The following ADGRB1 variants were observed in gnomAD, a reference collection of about 807,000 sequenced individuals.
ADGRB1 encodes brain-specific angiogenesis inhibitor 1.
A neutral mutation model predicts 175.7 loss-of-function variants in ADGRB1; 36 were observed. That is an observed-to-expected ratio of 0.20 (90% CI 0.16 to 0.27). The LOEUF (loss-of-function observed/expected upper bound fraction) is 0.27, where lower values mean the gene tolerates loss of function less well. ADGRB1 is among the 10% of genes least tolerant of loss of function. The pLI is 1.00. For synonymous variants in ADGRB1, 1,054 were observed against 979.4 expected (o/e 1.08, Z -1.42); for missense variants, 1,731 against 2,255.3 (o/e 0.77, Z 4.71).
intron 1 of ADGRB1, among the ~76,000 whole-genome samples, chr8:142,462,347 C>T (rs1706311397): frequency 6.6e-6 from 1 of 152,212 alleles, no homozygotes; most frequent in Admixed American, 6.5e-5. Context: ...TTCCCCCACC[C>T]AGCTCTTAAT....
chr8:142,522,394 T>C (rs1261243818), intron 21 of ADGRB1, among the ~76,000 whole-genome samples: 1 of 152,210 alleles, frequency 6.6e-6, no homozygotes, highest in Non-Finnish European at 1.5e-5. Context: ...AGATGATTCC[T>C]GATTTCTCTG....
intron 19 of ADGRB1, among the ~76,000 whole-genome samples, chr8:142,518,944 C>T (rs747019072): frequency 7.9e-5 from 12 of 152,234 alleles, no homozygotes; most frequent in Non-Finnish European, 1.8e-4. Flanking sequence ...AGCCGATAAT[C>T]GGAACTGACT....
intron 17 of ADGRB1, among the ~76,000 whole-genome samples, chr8:142,508,154 C>T (rs1194544678): frequency 2.0e-5 from 3 of 152,192 alleles, no homozygotes; most frequent in African/African-American, 7.2e-5. Context: ...TAACCTGAGA[C>T]CCATCCCAAG....
At chr8:142,456,612 G>C (rs13276689) in intron 1 of ADGRB1, among the ~76,000 whole-genome samples, 78,530 of 152,190 alleles carry the variant, frequency 0.52, 22,581 homozygotes, top group African/African-American at 0.78. Context: ...CACGGCCACA[G>C]ATGCATCCTC....
intron 9 of ADGRB1, 114 bp from the exon 10 acceptor site, chr8:142,481,140 C>T (rs1390809392): frequency 2.1e-6 from 2 of 935,732 alleles, no homozygotes; most frequent in East Asian, 2.5e-5. Context: ...ATGGGCGAGT[C>T]CCTGTTTCTG....
In ADGRB1 at chr8:142,477,558, G is replaced by A; in HGVS notation, c.1387+9G>A. ...CATTGCCCTGTGCCCTGGTAGGTGA[G>A]AGGGAGGGCGTAGGGGCAGGGAGGA... On this transcript the variant is annotated intron_variant, in intron 6 of 30. Transcript: ENST00000517894. 1 of 1,609,688 alleles carries A rather than the reference G, an allele frequency of 6.2e-7. No individual in the cohort carries two copies. The highest frequency in any genetic ancestry group is 8.5e-7 in the Non-Finnish European group (1 of 1,177,298).
intron 17 of ADGRB1, among the ~76,000 whole-genome samples, chr8:142,502,424 T>G (rs1842646434): frequency 1.5e-5 from 2 of 136,258 alleles, no homozygotes; most frequent in African/African-American, 2.8e-5. Flanking sequence ...GTGGTGATGG[T>G]GGTGGTGGTG....
intron 14 of ADGRB1, 24 bp from the exon 15 acceptor site, chr8:142,489,011 G>A (rs1281967839): frequency 1.2e-6 from 2 of 1,608,424 alleles, no homozygotes; most frequent in Non-Finnish European, 1.7e-6. Context: ...GGCGGGCCGG[G>A]GTTGACAGTG....
intron 1 of ADGRB1, among the ~76,000 whole-genome samples, chr8:142,450,410 CCA>C (rs1212146308): frequency 6.6e-6 from 1 of 152,158 alleles, no homozygotes. Flanking sequence ...TCCTCCCCAT[CCA>C]CACACCACAG....
intron 2 of ADGRB1, among the ~76,000 whole-genome samples, chr8:142,465,395 T>C (rs1392268181): frequency 6.6e-6 from 1 of 152,198 alleles, no homozygotes; most frequent in African/African-American, 2.4e-5. Flanking sequence ...GGCCAGAGGC[T>C]GCAGCGGCCT....
intron 18 of ADGRB1, among the ~76,000 whole-genome samples, chr8:142,513,557 G>A (rs1351550696): frequency 1.3e-5 from 2 of 152,202 alleles, no homozygotes; most frequent in African/African-American, 4.8e-5. Flanking sequence ...CCCTCTGAGG[G>A]CTGTGGGCTG....
chr8:142,528,661 C>T (rs1241250544), intron 24 of ADGRB1, among the ~76,000 whole-genome samples: 1 of 151,824 alleles, frequency 6.6e-6, no homozygotes, highest in African/African-American at 2.4e-5. Context: ...CCTCCGCTGC[C>T]ACCTCCCTCC....
At chr8:142,485,319 T>C (rs1161010750) in intron 13 of ADGRB1, among the ~76,000 whole-genome samples, 1 of 152,214 alleles carries the variant, frequency 6.6e-6, no homozygotes, top group South Asian at 2.1e-4. Flanking sequence ...ATTTAATGAC[T>C]GTTACTACAG....
At chr8:142,522,820 A>C in intron 22 of ADGRB1, 110 bp downstream of exon 22, 1 of 1,217,360 alleles carries the variant, frequency 8.2e-7, no homozygotes, top group Non-Finnish European at 1.1e-6. Flanking sequence ...GACCCTGATC[A>C]TCTCACAGAG....
At chr8:142,525,512 C>T (rs1844122722) in intron 23 of ADGRB1, among the ~76,000 whole-genome samples, 1 of 152,120 alleles carries the variant, frequency 6.6e-6, no homozygotes, top group Non-Finnish European at 1.5e-5. Context: ...CACTGGTGTC[C>T]ATCCTCTCTT....
chr8:142,518,729 G>A (rs1328628058), intron 19 of ADGRB1, among the ~76,000 whole-genome samples: 1 of 152,264 alleles, frequency 6.6e-6, no homozygotes, highest in Non-Finnish European at 1.5e-5. Flanking sequence ...AGATGTGGAG[G>A]AGAGCTCGTG....
At chr8:142,526,509 A>ACCCCCCCACCCCC in intron 23 of ADGRB1, 33 bp from the exon 24 acceptor site, 3 of 463,090 alleles carry the variant, frequency 6.5e-6, no homozygotes, top group Non-Finnish European at 1.0e-5. Flanking sequence ...GGCGGCCCCC[A>ACCCCCCCACCCCC]CCCCCACACC....
chr8:142,534,217 G>T (rs937528453), intron 25 of ADGRB1, among the ~76,000 whole-genome samples: 1 of 152,212 alleles, frequency 6.6e-6, no homozygotes. Context: ...GGAGCCAGAC[G>T]GTGTCAGGAG....
In ADGRB1 at chr8:142,539,472, C is replaced by T. The variant is rs915908652; in HGVS notation, c.3706+59C>T. The T allele has an allele frequency of 7.0e-6, 11 of 1,567,976 alleles. No homozygotes were observed. The Admixed American group carries it at 2.1e-4, about 29-fold the overall frequency. ...CCCGGCCCCCTGCATGGCCCCACTC[C>T]ACGCCTCCGCCTGTGCCTCCCCCAC... On this transcript the variant is annotated intron_variant, in intron 27 of 30. Coordinates refer to ENST00000517894, the MANE Select transcript of ADGRB1 (RefSeq NM_001702.3).
Sources: gnomAD v4.1 joint callset for allele counts (sites outside exome capture counted in the v4.1 genomes callset) on GRCh38, gnomAD v4.1.1 for gene constraint, MANE v1.5 for transcripts, NCBI Gene and HGNC (gene_info 2026-07-23, HGNC 2026-07-21) for gene names.